Variants in ATP13A4 observed in about 807,000 individuals in gnomAD.
The protein encoded by ATP13A4 is ATPase 13A4.
A neutral mutation model predicts 142.5 loss-of-function variants in ATP13A4; 114 were observed. The observed-to-expected ratio is 0.80, with a 90% confidence interval of 0.69 to 0.93. The LOEUF is 0.93. Ranked by LOEUF, ATP13A4 falls within the 40% of genes least tolerant of loss-of-function variation. The pLI is 0.00. For synonymous variants in ATP13A4, 488 were observed against 514.8 expected, an observed-to-expected ratio of 0.95 and a Z score of 0.70; for missense variants, 1,392 against 1,454.0, an observed-to-expected ratio of 0.96 and a Z score of 0.69.
At chr3:193,548,137 C>T (rs762178442) in intron 1 of ATP13A4, among the ~76,000 whole-genome samples, 1 of 152,060 alleles carries the variant, frequency 6.6e-6, no homozygotes, top group East Asian at 1.9e-4. Context: ...TTGATAAAAT[C>T]CTGAGACTAT....
intron 2 of ATP13A4, among the ~76,000 whole-genome samples, chr3:193,574,816 G>A (rs1489846088): frequency 6.6e-6 from 1 of 152,160 alleles, no homozygotes; most frequent in East Asian, 1.9e-4. Context: ...GGAGAGGGGT[G>A]GTTGGTGAGT....
chr3:193,464,016 C>T (rs143451866), intron 12 of ATP13A4, among the ~76,000 whole-genome samples: 5 of 152,186 alleles, frequency 3.3e-5, no homozygotes, highest in African/African-American at 1.2e-4. Context: ...AGTGAGAAGG[C>T]ACTTAATGCC....
At position 193,489,812 on chromosome 3, in the gene ATP13A4, C is replaced by T; in HGVS notation, c.656G>A (p.Ser219Asn). The stretch of plus-strand genomic sequence containing the variant: ...AAAAGCATATTCCTTATAGTCTTCA[C>T]TAAACCACAAACAGACACTGAAGAG... ...FQLFSVCLWF[S>N]EDYKEYAFAI... The change falls in exon 7 of 30, where the codon AGT becomes AAT. Residue 219 changes from serine (S) to asparagine (N), a missense_variant. Ser to Asn is a conservative substitution (Grantham distance 46, BLOSUM62 1). Coordinates refer to ENST00000342695, the MANE Select transcript of ATP13A4 (RefSeq NM_032279.4). 3 of 1,611,694 alleles carry T rather than the reference C, an allele frequency of 1.9e-6. No homozygotes were observed. The highest frequency in any genetic ancestry group is 1.7e-6 in the Non-Finnish European group (2 of 1,177,900).
At chr3:193,437,430 T>TA (rs1716352416) in intron 23 of ATP13A4, among the ~76,000 whole-genome samples, 1 of 152,122 alleles carries the variant, frequency 6.6e-6, no homozygotes, top group African/African-American at 2.4e-5. Context: ...CATGAATAAA[T>TA]AAAAAATTGG....
chr3:193,437,602 T>TA (rs1439833157), intron 23 of ATP13A4, among the ~76,000 whole-genome samples: 3 of 152,106 alleles, frequency 2.0e-5, no homozygotes, highest in African/African-American at 4.8e-5. Flanking sequence ...TTTTGTTTGT[T>TA]AAAAAAATAG....
intron 1 of ATP13A4, among the ~76,000 whole-genome samples, chr3:193,585,549 ATTC>A (rs1348744334): frequency 2.0e-5 from 3 of 152,198 alleles, no homozygotes; most frequent in South Asian, 4.2e-4. Context: ...GCCCAAGACA[ATTC>A]TTCTTCCAAT....
intron 1 of ATP13A4, among the ~76,000 whole-genome samples, chr3:193,525,286 A>G (rs1487079261): frequency 6.6e-6 from 1 of 152,222 alleles, no homozygotes; most frequent in African/African-American, 2.4e-5. Context: ...TTAGAGAAGA[A>G]AGCTGAAATC....
intron 1 of ATP13A4, 152 bp downstream of exon 1, chr3:193,554,588 C>A: frequency 1.0e-6 from 1 of 955,736 alleles, no homozygotes; most frequent in South Asian, 1.4e-5. Flanking sequence ...ATTTCTCAAA[C>A]ATGACCTTTT....
intron 2 of ATP13A4, among the ~76,000 whole-genome samples, chr3:193,571,533 G>T (rs966345216): frequency 3.3e-5 from 5 of 152,130 alleles, no homozygotes; most frequent in African/African-American, 1.2e-4. Flanking sequence ...ATATTGCTCA[G>T]TCAGGTGATG....
chr3:193,536,643 A>G (rs2108709209), intron 1 of ATP13A4, among the ~76,000 whole-genome samples: 1 of 152,190 alleles, frequency 6.6e-6, no homozygotes, highest in East Asian at 1.9e-4. Context: ...TTGTAACTAG[A>G]TAAGAAAAGG....
intron 25 of ATP13A4, among the ~76,000 whole-genome samples, chr3:193,423,754 T>A (rs982697884): frequency 2.7e-5 from 4 of 149,702 alleles, no homozygotes; most frequent in Non-Finnish European, 5.9e-5. Flanking sequence ...GCTTTTCCTT[T>A]AAAATCTGGA....
intron 17 of ATP13A4, among the ~76,000 whole-genome samples, chr3:193,452,347 G>A (rs1560196773): frequency 6.6e-6 from 1 of 152,102 alleles, no homozygotes; most frequent in African/African-American, 2.4e-5. Flanking sequence ...CCTGAACTAA[G>A]TTGATCAAAT....
intron 1 of ATP13A4, among the ~76,000 whole-genome samples, chr3:193,529,140 C>T (rs1577054589): frequency 1.3e-5 from 2 of 151,990 alleles, no homozygotes; most frequent in South Asian, 2.1e-4. Context: ...AATGGTGGCA[C>T]ATGCCTGTAG....
Position 193,502,643 on chromosome 3 carries a change from A to T in ATP13A4, c.235-4T>A, listed in dbSNP as rs1300791048. ...AAGAGTAAATTTGGAATTCATCCTG[A>T]GGAGATAGACATCAAAACCCCCAAG... On this transcript the variant is annotated splice_polypyrimidine_tract_variant and splice_region_variant and intron_variant, in intron 2 of 29. Coordinates refer to ENST00000342695, the MANE Select transcript of ATP13A4 (RefSeq NM_032279.4). 3 of 1,613,766 alleles carry T rather than the reference A, an allele frequency of 1.9e-6. No homozygotes were observed. In the South Asian group the frequency reaches 3.3e-5, roughly 18 times the overall value.
intron 1 of ATP13A4, among the ~76,000 whole-genome samples, chr3:193,585,803 A>G (rs113456869): frequency 0.031 from 4,769 of 152,282 alleles, 83 homozygotes; most frequent in African/African-American, 0.039. Context: ...ACATGTTTGT[A>G]CAAGACTTTC....
intron 1 of ATP13A4, among the ~76,000 whole-genome samples, chr3:193,515,580 T>C (rs1721361927): frequency 6.7e-6 from 1 of 149,398 alleles, no homozygotes. Context: ...GACTATTTGG[T>C]TTACTTCATC....
At chr3:193,567,648 A>G (rs769655116) in intron 2 of ATP13A4, among the ~76,000 whole-genome samples, 3 of 152,212 alleles carry the variant, frequency 2.0e-5, no homozygotes, top group Admixed American at 6.5e-5. Context: ...AATCCTCATT[A>G]AGGACCCACC....
chr3:193,559,245 G>A (rs1723964609), upstream of ATP13A4, among the ~76,000 whole-genome samples: 2 of 152,106 alleles, frequency 1.3e-5, no homozygotes, highest in African/African-American at 4.8e-5. Context: ...AAAGCTGTAG[G>A]AACTGAGTCA....
In ATP13A4 at chr3:193,402,627, T is replaced by C; in HGVS notation, c.*25A>G. 1 of 816,776 alleles carries C rather than the reference T, an allele frequency of 1.2e-6. No homozygotes were observed. The highest frequency in any genetic ancestry group is 1.3e-5 in the South Asian group (1 of 75,234). The allele number at this position is 816,776 out of a possible 1,614,324, so 50.6% of individuals were successfully genotyped here. The stretch of plus-strand genomic sequence containing the variant: ...CCCTTTTGTCATTGTTTCTCTGTAA[T>C]ATCAACTTGGATATCACATGTCCTT... On this transcript the variant is annotated 3_prime_UTR_variant, in exon 30 of 30. Transcript: ENST00000342695.
Sources: gnomAD v4.1 joint callset for allele counts (sites outside exome capture counted in the v4.1 genomes callset) on GRCh38, gnomAD v4.1.1 for gene constraint, MANE v1.5 for transcripts, NCBI Gene and HGNC (gene_info 2026-07-23, HGNC 2026-07-21) for gene names.